ZNF138: variants seen among roughly 807,000 people sequenced by gnomAD.
ZNF138 encodes the protein zinc finger protein 138.
Under a neutral mutation model 33.0 loss-of-function variants are expected in ZNF138, and 33 were observed. The ratio of observed to expected loss-of-function variants is 1.00; its 90% CI spans 0.76 to 1.34. The LOEUF is 1.34. Ranked by LOEUF, ZNF138 falls within the 40% of genes most tolerant of loss-of-function variation. The probability of loss-of-function intolerance (pLI) is 0.00; values close to 1 mark genes in which losing one functional copy is unlikely to be tolerated. For missense variants in ZNF138, 360 were observed against 370.8 expected (o/e 0.97, Z 0.24); for synonymous variants, 139 against 120.4 (o/e 1.15, Z -1.01).
At chr7:64,812,314 C>T (rs1305693369) in intron 1 of ZNF138, among the ~76,000 whole-genome samples, 6 of 139,894 alleles carry the variant, frequency 4.3e-5, no homozygotes, top group East Asian at 4.2e-4. Context: ...ATTCACCACA[C>T]GCCCGGCTAA....
At chr7:64,830,865 G>GC (rs1338458724) in intron 3 of ZNF138, 2 of 1,435,592 alleles carry the variant, frequency 1.4e-6, no homozygotes, top group Non-Finnish European at 1.8e-6. Context: ...ATTTTTTAGG[G>GC]TTTTTTTAGT....
At chr7:64,842,207 G>A in the ZNF138 span, among the ~76,000 whole-genome samples, 1 of 152,120 alleles carries the variant, frequency 6.6e-6, no homozygotes, top group East Asian at 1.9e-4. Context: ...GGGATTGCAG[G>A]TGCCTGCCAC....
chr7:64,839,216 C>T, the ZNF138 span, among the ~76,000 whole-genome samples: 17 of 152,264 alleles, frequency 1.1e-4, no homozygotes, highest in East Asian at 1.9e-3. Context: ...AGGTATATTG[C>T]GGCCAGGCAA....
the ZNF138 span, among the ~76,000 whole-genome samples, chr7:64,854,453 C>T: frequency 6.6e-6 from 1 of 152,212 alleles, no homozygotes; most frequent in African/African-American, 2.4e-5. Flanking sequence ...CTTTGCCAGG[C>T]TAGTCTTGAA....
Position 64,832,683 on chromosome 7 carries a change from G to T in ZNF138, c.*481G>T. ...GAAACCCTACAAATGTGAACAGTGT[G>T]GCAAGGTCTTTAAGAAGTCCTCAAC... is the stretch of plus-strand genomic sequence containing the variant. On this transcript the variant is annotated 3_prime_UTR_variant, in exon 4 of 4. Coordinates refer to ENST00000307355, the MANE Select transcript of ZNF138 (RefSeq NM_001271639.2). The T allele has an allele frequency of 2.3e-6, 1 of 433,658 alleles. No homozygotes were observed. The allele number at this position is 433,658 out of a possible 1,614,324, so 26.9% of individuals were successfully genotyped here. A position where few individuals can be genotyped will look rare whatever the true frequency, so the allele number is the denominator to read the frequency against.
At chr7:64,795,888 T>G (rs1786648790) in intron 1 of ZNF138, among the ~76,000 whole-genome samples, 1 of 152,146 alleles carries the variant, frequency 6.6e-6, no homozygotes, top group African/African-American at 2.4e-5. Context: ...AAATTTCAGC[T>G]CCTGGCCTGG....
At chr7:64,795,979 G>A (rs1786655688) in intron 1 of ZNF138, among the ~76,000 whole-genome samples, 1 of 152,178 alleles carries the variant, frequency 6.6e-6, no homozygotes, top group African/African-American at 2.4e-5. Context: ...GCAGGTGAAT[G>A]CCCTGGGGCT....
chr7:64,820,220 ACAC>A (rs1457807046), intron 3 of ZNF138, among the ~76,000 whole-genome samples: 1 of 151,842 alleles, frequency 6.6e-6, no homozygotes, highest in Non-Finnish European at 1.5e-5. Flanking sequence ...CCCTTGACAG[ACAC>A]CCTTCCACTT....
intron 1 of ZNF138, among the ~76,000 whole-genome samples, chr7:64,809,414 G>A (rs1400221011): frequency 0.014 from 2 of 144 alleles, no homozygotes; most frequent in African/African-American, 0.024. Context: ...CTCACCTCCC[G>A]GACGGGGCAG....
the ZNF138 span, among the ~76,000 whole-genome samples, chr7:64,846,073 A>G: frequency 6.6e-6 from 1 of 152,078 alleles, no homozygotes; most frequent in African/African-American, 2.4e-5. Context: ...GTTGGCTGTA[A>G]GTATTTGAGT....
intron 3 of ZNF138, chr7:64,831,001 A>G: frequency 2.6e-6 from 4 of 1,551,734 alleles, no homozygotes; most frequent in Non-Finnish European, 3.5e-6. Context: ...GTATCCTGCC[A>G]TTTGTTTCAG....
At chr7:64,813,296 G>A (rs1297835901) in intron 1 of ZNF138, among the ~76,000 whole-genome samples, 13 of 152,046 alleles carry the variant, frequency 8.6e-5, no homozygotes, top group Non-Finnish European at 4.4e-5. Flanking sequence ...TAAACAGAAT[G>A]GCACTCGTTA....
At chr7:64,848,557 A>AT in the ZNF138 span, among the ~76,000 whole-genome samples, 9 of 150,900 alleles carry the variant, frequency 6.0e-5, no homozygotes, top group Non-Finnish European at 1.0e-4. Flanking sequence ...TATTTCTTGT[A>AT]TTTTTTTTAT....
At chr7:64,797,942 A>C (rs955223062) in intron 1 of ZNF138, among the ~76,000 whole-genome samples, 1 of 151,844 alleles carries the variant, frequency 6.6e-6, no homozygotes, top group Admixed American at 6.6e-5. Context: ...TTTATTTTTT[A>C]ATTAAATTAT....
chr7:64,840,731 T>G, the ZNF138 span, among the ~76,000 whole-genome samples: 1 of 152,066 alleles, frequency 6.6e-6, no homozygotes, highest in Non-Finnish European at 1.5e-5. Context: ...TTTAAAAAAA[T>G]TTGTTATGTA....
the ZNF138 span, chr7:64,853,319 G>C: frequency 1.3e-5 from 21 of 1,607,808 alleles, no homozygotes; most frequent in Middle Eastern, 3.7e-4. Flanking sequence ...TGTCCAATTC[G>C]TAACTTTCCG....
At chr7:64,802,919 A>G (rs917153028) in intron 1 of ZNF138, among the ~76,000 whole-genome samples, 1 of 147,156 alleles carries the variant, frequency 6.8e-6, no homozygotes, top group South Asian at 2.1e-4. Context: ...TCTTATGTTA[A>G]AAAAAAAAAA....
intron 1 of ZNF138, among the ~76,000 whole-genome samples, chr7:64,813,595 G>T (rs1282953933): frequency 6.6e-6 from 1 of 151,954 alleles, no homozygotes; most frequent in Admixed American, 6.6e-5. Context: ...CACCACGCCC[G>T]GCTAATTTTT....
downstream of ZNF138, chr7:64,835,790 C>T (rs918259660): frequency 2.0e-5 from 3 of 152,138 alleles, no homozygotes; most frequent in African/African-American, 7.2e-5. Flanking sequence ...GTAGACAGAT[C>T]TTGAGATGTT....
Sources: gnomAD v4.1 joint callset for allele counts (sites outside exome capture counted in the v4.1 genomes callset) on GRCh38, gnomAD v4.1.1 for gene constraint, MANE v1.5 for transcripts, NCBI Gene and HGNC (gene_info 2026-07-23, HGNC 2026-07-21) for gene names.